The following PRELID2 variants were observed in gnomAD, a reference collection of about 807,000 sequenced individuals.
The protein encoded by PRELID2 is PRELI domain containing 2.
Under a neutral mutation model 28.4 loss-of-function variants are expected in PRELID2, and 25 were observed. That is an observed-to-expected ratio of 0.88 (90% CI 0.64 to 1.23). The LOEUF (loss-of-function observed/expected upper bound fraction) is 1.23, where lower values mean the gene tolerates loss of function less well. PRELID2 is among the 50% of genes most tolerant of loss of function. The pLI, the probability that PRELID2 is intolerant of heterozygous loss-of-function variation, is 0.00. For missense variants in PRELID2, 201 were observed against 214.4 expected (o/e 0.94, Z 0.39); for synonymous variants, 76 against 71.6 (o/e 1.06, Z -0.31).
At chr5:145,248,656 G>A in the PRELID2 span, among the ~76,000 whole-genome samples, 1 of 151,980 alleles carries the variant, frequency 6.6e-6, no homozygotes, top group Non-Finnish European at 1.5e-5. Context: ...AATTAGCTGG[G>A]CATGGTGGTG....
chr5:145,253,503 G>T, the PRELID2 span, among the ~76,000 whole-genome samples: 1 of 152,008 alleles, frequency 6.6e-6, no homozygotes, highest in African/African-American at 2.4e-5. Context: ...TGACATCCAT[G>T]CTTTTTCTCC....
chr5:145,643,072 C>A (rs577985534), intron 1 of PRELID2, among the ~76,000 whole-genome samples: 1 of 152,038 alleles, frequency 6.6e-6, no homozygotes, highest in Non-Finnish European at 1.5e-5. Context: ...GGTAGCTTGA[C>A]GGGGATAGCA....
At chr5:145,706,105 GA>G (rs535972277) in intron 1 of PRELID2, among the ~76,000 whole-genome samples, 2 of 151,710 alleles carry the variant, frequency 1.3e-5, no homozygotes, top group African/African-American at 2.4e-5. Context: ...AATTAAATGG[GA>G]AAAAAAAGGT....
the PRELID2 span, among the ~76,000 whole-genome samples, chr5:145,290,708 C>G: frequency 6.6e-6 from 1 of 151,548 alleles, no homozygotes; most frequent in Admixed American, 6.6e-5. Context: ...ATGTAACAAA[C>G]CTGCACATTG....
At chr5:145,520,350 A>G (rs1752553521) in intron 1 of PRELID2, among the ~76,000 whole-genome samples, 1 of 152,212 alleles carries the variant, frequency 6.6e-6, no homozygotes, top group Admixed American at 6.5e-5. Context: ...TCTGCAACAA[A>G]GAGGTAACAA....
At chr5:145,833,767 C>T (rs1199669955) in intron 1 of PRELID2, among the ~76,000 whole-genome samples, 4 of 152,342 alleles carry the variant, frequency 2.6e-5, no homozygotes, top group South Asian at 2.1e-4. Context: ...CTTAGTTTGG[C>T]TTCCGGGTTG....
At chr5:145,381,530 G>A in the PRELID2 span, 1 of 152,082 alleles carries the variant, frequency 6.6e-6, no homozygotes, top group African/African-American at 2.4e-5. Context: ...GAAGTTCAGT[G>A]GAAATCAACA....
At chr5:145,280,345 T>G in the PRELID2 span, among the ~76,000 whole-genome samples, 1 of 152,300 alleles carries the variant, frequency 6.6e-6, no homozygotes, top group African/African-American at 2.4e-5. Flanking sequence ...AAACTGCAAC[T>G]GGAAATAATT....
chr5:145,495,374 A>C (rs1752301460), intron 1 of PRELID2, among the ~76,000 whole-genome samples: 1 of 152,220 alleles, frequency 6.6e-6, no homozygotes, highest in Non-Finnish European at 1.5e-5. Flanking sequence ...GGAATCATTT[A>C]GGCAAAAGGC....
the PRELID2 span, among the ~76,000 whole-genome samples, chr5:145,422,436 T>G: frequency 6.6e-6 from 1 of 152,158 alleles, no homozygotes. Context: ...GTGCATATAT[T>G]TTTAGGATAG....
At chr5:145,705,997 TAGAA>T (rs1205339499) in intron 1 of PRELID2, among the ~76,000 whole-genome samples, 1 of 151,394 alleles carries the variant, frequency 6.6e-6, no homozygotes, top group Non-Finnish European at 1.5e-5. Context: ...TTCAAAATGT[TAGAA>T]AGAAAAAAAG....
the PRELID2 span, among the ~76,000 whole-genome samples, chr5:145,424,916 A>C: frequency 6.6e-6 from 1 of 152,242 alleles, no homozygotes; most frequent in Non-Finnish European, 1.5e-5. Context: ...CAAAATTGAC[A>C]AATGGGACCT....
At chr5:145,835,126 G>T in intron 1 of PRELID2, 51 bp downstream of exon 1, 1 of 1,295,050 alleles carries the variant, frequency 7.7e-7, no homozygotes, top group Non-Finnish European at 1.1e-6. Context: ...AGGAGAGAGG[G>T]GCAAGCAGCG....
chr5:145,348,187 T>C, the PRELID2 span, among the ~76,000 whole-genome samples: 1 of 152,102 alleles, frequency 6.6e-6, no homozygotes, highest in South Asian at 2.1e-4. Flanking sequence ...AACACATTAG[T>C]GAATGTGGCT....
At chr5:145,375,400 A>G in the PRELID2 span, among the ~76,000 whole-genome samples, 2 of 152,186 alleles carry the variant, frequency 1.3e-5, no homozygotes, top group South Asian at 4.1e-4. Flanking sequence ...TGCCAGTAGA[A>G]TCATTCCTGT....
chr5:145,790,745 A>ATC (rs1581209504), intron 5 of PRELID2, among the ~76,000 whole-genome samples: 1 of 145,474 alleles, frequency 6.9e-6, no homozygotes, highest in African/African-American at 2.5e-5. Flanking sequence ...ATATATATAT[A>ATC]TCAAAATGCC....
At chr5:145,551,005 T>C (rs1488280283) in intron 1 of PRELID2, among the ~76,000 whole-genome samples, 2 of 152,208 alleles carry the variant, frequency 1.3e-5, no homozygotes, top group Non-Finnish European at 2.9e-5. Flanking sequence ...AAAACTATAC[T>C]AATATTATCG....
chr5:145,602,920 C>T (rs1213712642), intron 1 of PRELID2, among the ~76,000 whole-genome samples: 1 of 152,024 alleles, frequency 6.6e-6, no homozygotes, highest in Non-Finnish European at 1.5e-5. Flanking sequence ...GGCGTGGTAG[C>T]AGGCATCTGT....
At chr5:145,237,564 G>A in the PRELID2 span, among the ~76,000 whole-genome samples, 1 of 152,100 alleles carries the variant, frequency 6.6e-6, no homozygotes, top group Non-Finnish European at 1.5e-5. Flanking sequence ...TGGTGACACA[G>A]ATGACACGTT....
Sources: gnomAD v4.1 joint callset for allele counts (sites outside exome capture counted in the v4.1 genomes callset) on GRCh38, gnomAD v4.1.1 for gene constraint, MANE v1.5 for transcripts, NCBI Gene and HGNC (gene_info 2026-07-23, HGNC 2026-07-21) for gene names.